The following ERCC4 variants were observed in gnomAD, a reference collection of about 807,000 sequenced individuals.
The protein encoded by ERCC4 is DNA repair endonuclease XPF.
ERCC4 carries 65 observed loss-of-function variants against 76.9 expected under a neutral mutation model. That is an observed-to-expected ratio of 0.84 (90% CI 0.69 to 1.04). The LOEUF (loss-of-function observed/expected upper bound fraction) is 1.04. Among genes scored for constraint, ERCC4 ranks in the 50% least tolerant of loss-of-function variants. The pLI, the probability that ERCC4 is intolerant of heterozygous loss-of-function variation, is 0.00. For synonymous variants in ERCC4, 463 were observed against 410.1 expected, an observed-to-expected ratio of 1.13 and a Z score of -1.56; for missense variants, 1,214 against 1,128.2, an observed-to-expected ratio of 1.08 and a Z score of -1.09.
chr16:13,936,544 G>C (rs1041377285), intron 8 of ERCC4, among the ~76,000 whole-genome samples: 1 of 152,236 alleles, frequency 6.6e-6, no homozygotes, highest in African/African-American at 2.4e-5. Context: ...TGTACACCAA[G>C]CTTCTTTCTT....
intron 9 of ERCC4, 142 bp downstream of exon 9, chr16:13,938,000 T>C (rs1345457116): frequency 1.6e-5 from 11 of 680,072 alleles, no homozygotes; most frequent in Non-Finnish European, 2.9e-5. Flanking sequence ...GTGGTCTGAA[T>C]TGTCCTCCAG....
At chr16:13,922,379 A>G (rs2031995931) in intron 2 of ERCC4, 168 bp downstream of exon 2, 2 of 761,148 alleles carry the variant, frequency 2.6e-6, no homozygotes, top group African/African-American at 3.4e-5. Context: ...ACAGGTCTAA[A>G]TCTGGGTGGG....
chr16:13,932,350 G>C, intron 6 of ERCC4, 65 bp downstream of exon 6: 2 of 1,479,224 alleles, frequency 1.4e-6, no homozygotes, highest in Non-Finnish European at 1.9e-6. Context: ...GAAATTTAAA[G>C]TGCAATTTAA....
At position 13,930,534 on chromosome 16, in the gene ERCC4, A is replaced by G. The variant is rs1344640953; in HGVS notation, c.793-176A>G. 4 of 588,476 alleles carry G rather than the reference A, an allele frequency of 6.8e-6. No homozygotes were observed. In the African/African-American group the frequency reaches 7.5e-5, roughly 11 times the overall value. 36.5% of individuals were successfully genotyped at this position (588,476 alleles called of 1,614,324 possible). On this transcript the variant is annotated intron_variant, in intron 4 of 10. Transcript: ENST00000311895. ...TTTTATTAACTGAAATGTTCTAGCCACTTCCTTGAATAATGCTTGCAGTTT... is the reference window on the plus strand; with the variant it reads ...TTTTATTAACTGAAATGTTCTAGCCGCTTCCTTGAATAATGCTTGCAGTTT...
chr16:13,937,086 A>ATTTTTTTTTTTTTTTTTTT (rs71150154), intron 8 of ERCC4, among the ~76,000 whole-genome samples: 1 of 128,708 alleles, frequency 7.8e-6, no homozygotes, highest in Admixed American at 7.9e-5. Flanking sequence ...TGCTCAACTA[A>ATTTTTTTTTTTTTTTTTTT]TTTTTTTTTT....
intron 9 of ERCC4, among the ~76,000 whole-genome samples, chr16:13,939,014 C>A (rs1306557260): frequency 6.6e-6 from 1 of 152,182 alleles, no homozygotes; most frequent in Non-Finnish European, 1.5e-5. Flanking sequence ...GCTAGTCATA[C>A]AAGTATTGCT....
Position 13,951,631 on chromosome 16 carries a change from C to T in ERCC4, c.*3284C>T, listed in dbSNP as rs1191705375. 2 of 216,936 alleles carry T rather than the reference C, an allele frequency of 9.2e-6. No individual in the cohort carries two copies. Among genetic ancestry groups the T allele is most frequent in the Non-Finnish European group, 1.9e-5 (2 of 107,844 alleles). 13.4% of individuals were successfully genotyped at this position (216,936 alleles called of 1,614,324 possible). Reference sequence around the variant, plus strand: ...CTGAAAATAGTCTTATTCATCAACCCACTAGGATGTGAAGGGTTAAGTCTA... The same window carrying T: ...CTGAAAATAGTCTTATTCATCAACCTACTAGGATGTGAAGGGTTAAGTCTA... On this transcript the variant is annotated 3_prime_UTR_variant, in exon 11 of 11. Transcript: ENST00000311895.
At chr16:13,945,275 T>C (rs1177215281) in intron 10 of ERCC4, among the ~76,000 whole-genome samples, 1 of 152,128 alleles carries the variant, frequency 6.6e-6, no homozygotes, top group Non-Finnish European at 1.5e-5. Context: ...ATAGGTGGGG[T>C]GCATACACTC....
chr16:13,929,075 T>A (rs2032123093), intron 4 of ERCC4, among the ~76,000 whole-genome samples: 1 of 152,224 alleles, frequency 6.6e-6, no homozygotes, highest in Non-Finnish European at 1.5e-5. Context: ...TTTTTATGAT[T>A]TAGTCCATGG....
intron 9 of ERCC4, among the ~76,000 whole-genome samples, chr16:13,939,137 A>G (rs948215576): frequency 9.2e-5 from 14 of 152,344 alleles, no homozygotes; most frequent in African/African-American, 3.1e-4. Flanking sequence ...AAATCGTGTT[A>G]TAACAGACCA....
At chr16:13,939,406 A>G (rs2032369745) in intron 9 of ERCC4, among the ~76,000 whole-genome samples, 2 of 152,208 alleles carry the variant, frequency 1.3e-5, no homozygotes, top group African/African-American at 4.8e-5. Flanking sequence ...GTAGAGGTAT[A>G]CAGAGCACCG....
In ERCC4 at chr16:13,929,736, C is replaced by T. The variant is rs1261130185; in HGVS notation, c.793-974C>T. ...ATCCCAGCACTTTGGGAGGCCGAGG[C>T]GGGCAGATCATGAGGTCAGGAGATC... On this transcript the variant is annotated intron_variant, in intron 4 of 10. Transcript: ENST00000311895. 2.6e-5 allele frequency among the ~76,000 whole-genome samples: 4 copies of T among 152,208 alleles called. No individual in the cohort carries two copies. The South Asian group carries it at 6.2e-4, about 24-fold the overall frequency.
chr16:13,941,718 T>G (rs2032416219), intron 9 of ERCC4, among the ~76,000 whole-genome samples: 1 of 152,206 alleles, frequency 6.6e-6, no homozygotes, highest in African/African-American at 2.4e-5. Flanking sequence ...GGTAGAAAAC[T>G]TAGTAATAAC....
rs555020322 is a variant in ERCC4 at position 13,922,186 on chromosome 16, T to C, written c.363T>C (p.Asp121=). The change falls in exon 2 of 11, where the codon GAT becomes GAC. Residue 121 remains aspartate (D), a synonymous_variant. Transcript: ENST00000311895. ...SRILVVDFLT[D]RIPSDLITGI... Reference sequence around the variant, plus strand: ...TACTTGTGGTTGACTTCTTGACTGATAGAATACCTTCAGATTTAATTACTG... The same window carrying C: ...TACTTGTGGTTGACTTCTTGACTGACAGAATACCTTCAGATTTAATTACTG... The C allele has an allele frequency of 1.9e-6, 3 of 1,610,036 alleles. No individual in the cohort carries two copies. In the Admixed American group the frequency reaches 5.0e-5, roughly 27 times the overall value.
intron 2 of ERCC4, among the ~76,000 whole-genome samples, chr16:13,923,281 C>A (rs951281335): frequency 5.3e-5 from 8 of 152,144 alleles, no homozygotes; most frequent in African/African-American, 1.9e-4. Context: ...AGCTGAAGCA[C>A]AAGGAACAAG....
At chr16:13,941,951 GCTCACGC>G (rs1431045153) in intron 9 of ERCC4, among the ~76,000 whole-genome samples, 1 of 152,198 alleles carries the variant, frequency 6.6e-6, no homozygotes, top group Non-Finnish European at 1.5e-5. Context: ...GGGTGCAGTG[GCTCACGC>G]CTGTAATCCC....
intron 7 of ERCC4, chr16:13,934,644 G>A (rs1049605720): frequency 1.4e-5 from 4 of 276,316 alleles, no homozygotes; most frequent in African/African-American, 9.1e-5. Context: ...TTTAAATCTG[G>A]AATCCCCAAG....
In ERCC4 at chr16:13,926,776, AAAT is replaced by A. The variant is rs2032081085; in HGVS notation, c.584+24_584+26del. 5 of 1,564,874 alleles carry A rather than the reference AAAT, an allele frequency of 3.2e-6. No individual in the cohort carries two copies. The highest frequency in any genetic ancestry group is 1.7e-5 in the Admixed American group (1 of 59,952). ...GCCAAGGTAAAGAACATTATGTGAC[AAAT>A]AATGATGACATTATTTGTCATCTTT... On this transcript the variant is annotated intron_variant, in intron 3 of 10. Coordinates refer to ENST00000311895, the MANE Select transcript of ERCC4 (RefSeq NM_005236.3).
At position 13,948,170 on chromosome 16, in the gene ERCC4, G is replaced by A. The variant is rs753126294; in HGVS notation, c.2574G>A (p.Val858=). 1.9e-6 allele frequency: 3 copies of A among 1,614,194 alleles called. No individual in the cohort carries two copies. Among genetic ancestry groups the A allele is most frequent in the South Asian group, 2.2e-5 (2 of 91,086 alleles). ...PQDFLLKMPG[V]NAKNCRSLMH... ...ACTTCTTGTTAAAAATGCCAGGGGT[G>A]AATGCCAAAAACTGCCGCTCCTTGA... The change falls in exon 11 of 11, where the codon GTG becomes GTA. Residue 858 remains valine (V), a synonymous_variant. Transcript: ENST00000311895.
Sources: gnomAD v4.1 joint callset for allele counts (sites outside exome capture counted in the v4.1 genomes callset) on GRCh38, gnomAD v4.1.1 for gene constraint, MANE v1.5 for transcripts, NCBI Gene and HGNC (gene_info 2026-07-23, HGNC 2026-07-21) for gene names.